Variants in PLAAT3 observed in about 807,000 individuals in gnomAD.
The protein encoded by PLAAT3 is Ca-independent phospholipase A1/2.
PLAAT3 carries 21 observed loss-of-function variants against 16.7 expected under a neutral mutation model. That is an observed-to-expected ratio of 1.26 (90% confidence interval 0.89 to 1.81). The LOEUF (loss-of-function observed/expected upper bound fraction) is 1.81. Among genes scored for constraint, PLAAT3 ranks in the 40% most tolerant of loss-of-function variants. The pLI, the probability that PLAAT3 is intolerant of heterozygous loss-of-function variation, is 0.00. For missense variants in PLAAT3, 219 were observed against 213.7 expected, an observed-to-expected ratio of 1.02 and a Z score of -0.16; for synonymous variants, 76 against 81.7, an observed-to-expected ratio of 0.93 and a Z score of 0.38.
chr11:63,601,340 A>G (rs1429951438), intron 2 of PLAAT3, among the ~76,000 whole-genome samples: 1 of 151,078 alleles, frequency 6.6e-6, no homozygotes, highest in Non-Finnish European at 1.5e-5. Flanking sequence ...AAAAAATAAT[A>G]ATAATAAATA....
At chr11:63,577,694 A>T (rs1937653461) in intron 4 of PLAAT3, among the ~76,000 whole-genome samples, 1 of 152,248 alleles carries the variant, frequency 6.6e-6, no homozygotes, top group African/African-American at 2.4e-5. Flanking sequence ...TGCATCCAAA[A>T]GGAAACGTCC....
chr11:63,607,918 G>A (rs1938607583), intron 2 of PLAAT3, among the ~76,000 whole-genome samples: 1 of 152,100 alleles, frequency 6.6e-6, no homozygotes, highest in South Asian at 2.1e-4. Context: ...CGGGCACAGT[G>A]GCTCACGCCT....
intron 2 of PLAAT3, among the ~76,000 whole-genome samples, chr11:63,608,137 G>T (rs577337165): frequency 6.6e-6 from 1 of 152,230 alleles, no homozygotes; most frequent in Non-Finnish European, 1.5e-5. Context: ...AGCCGAGATC[G>T]TGCCACTGCA....
At chr11:63,581,013 G>C (rs760757028) in intron 4 of PLAAT3, among the ~76,000 whole-genome samples, 15 of 152,150 alleles carry the variant, frequency 9.9e-5, no homozygotes, top group Non-Finnish European at 1.9e-4. Flanking sequence ...AGATGTCATG[G>C]ACATTTATCA....
chr11:63,584,576 C>A (rs1238306358), intron 4 of PLAAT3, among the ~76,000 whole-genome samples: 2 of 147,900 alleles, frequency 1.4e-5, no homozygotes, highest in Non-Finnish European at 3.0e-5. Context: ...TACAGTGGTG[C>A]AATCTCGGCT....
chr11:63,578,529 G>C (rs1286060484), intron 4 of PLAAT3, among the ~76,000 whole-genome samples: 1 of 152,078 alleles, frequency 6.6e-6, no homozygotes, highest in African/African-American at 2.4e-5. Context: ...CAGAGATATA[G>C]ACCAATGGAA....
chr11:63,614,242 G>T, intron 1 of PLAAT3, 143 bp downstream of exon 1: 1 of 594,152 alleles, frequency 1.7e-6, no homozygotes, highest in Non-Finnish European at 3.0e-6. Context: ...CGCCCAGGAG[G>T]CTGCAGGTGC....
At chr11:63,577,182 T>TA (rs1313632959) in intron 4 of PLAAT3, among the ~76,000 whole-genome samples, 1 of 151,236 alleles carries the variant, frequency 6.6e-6, no homozygotes, top group Non-Finnish European at 1.5e-5. Context: ...TTTTTTTTTT[T>TA]AATCTTTGAG....
At chr11:63,581,401 C>T (rs1190810838) in intron 4 of PLAAT3, among the ~76,000 whole-genome samples, 1 of 152,124 alleles carries the variant, frequency 6.6e-6, no homozygotes, top group African/African-American at 2.4e-5. Flanking sequence ...GACGGCCGCT[C>T]TGGGAGTGTC....
intron 2 of PLAAT3, among the ~76,000 whole-genome samples, chr11:63,607,084 C>A (rs1938586753): frequency 6.6e-6 from 1 of 152,084 alleles, no homozygotes. Flanking sequence ...TGCAGCCCAC[C>A]GACTGTGCTG....
At chr11:63,607,000 G>A (rs561621469) in intron 2 of PLAAT3, among the ~76,000 whole-genome samples, 34 of 152,292 alleles carry the variant, frequency 2.2e-4, no homozygotes, top group African/African-American at 7.7e-4. Context: ...GGAGGCGGGA[G>A]CCTGCTAGGA....
intron 3 of PLAAT3, among the ~76,000 whole-genome samples, chr11:63,594,472 G>A (rs750217578): frequency 1.3e-5 from 2 of 152,132 alleles, no homozygotes; most frequent in Non-Finnish European, 2.9e-5. Flanking sequence ...CACATCAAAT[G>A]CTGCAGAGAA....
At chr11:63,579,888 A>AAAAAAAG (rs1937754884) in intron 4 of PLAAT3, among the ~76,000 whole-genome samples, 1 of 150,702 alleles carries the variant, frequency 6.6e-6, no homozygotes, top group African/African-American at 2.4e-5. Flanking sequence ...AAAAAAAAAA[A>AAAAAAAG]AAGAAGAAGA....
intron 2 of PLAAT3, among the ~76,000 whole-genome samples, chr11:63,600,575 G>C (rs955449670): frequency 5.3e-5 from 7 of 132,468 alleles, no homozygotes; most frequent in African/African-American, 2.3e-4. Flanking sequence ...CATCTTCATG[G>C]TTTTTTTGTT....
intron 4 of PLAAT3, among the ~76,000 whole-genome samples, chr11:63,582,213 G>T (rs1183640988): frequency 6.6e-6 from 1 of 152,154 alleles, no homozygotes; most frequent in Non-Finnish European, 1.5e-5. Context: ...TGGAGGATGT[G>T]ATCTACCTAA....
chr11:63,592,070 G>A (rs1297997927), intron 3 of PLAAT3, among the ~76,000 whole-genome samples: 1 of 152,214 alleles, frequency 6.6e-6, no homozygotes, highest in Non-Finnish European at 1.5e-5. Flanking sequence ...CAGCTGAGTG[G>A]TCTGGACCTG....
At chr11:63,603,497 A>T (rs749347571) in intron 2 of PLAAT3, among the ~76,000 whole-genome samples, 2 of 152,130 alleles carry the variant, frequency 1.3e-5, no homozygotes, top group Non-Finnish European at 2.9e-5. Context: ...ATTCACATTG[A>T]AAAAAACAGC....
chr11:63,586,938 C>T (rs1937994494), intron 4 of PLAAT3, among the ~76,000 whole-genome samples: 1 of 152,054 alleles, frequency 6.6e-6, no homozygotes, highest in Admixed American at 6.6e-5. Context: ...ACAAAAATTA[C>T]CCAGGTGTGG....
Position 63,590,144 on chromosome 11 carries a change from G to C in PLAAT3, c.343C>G (p.His115Asp). ...CCATAGCGCAGCTCATTCACAAAGT[G>C]CTCGCAGTTCTCACTGGTCAGCTTG... ...LYKLTSENCE[H>D]FVNELRYGVA... The change falls in exon 4 of 5, where the codon CAC (histidine) becomes GAC (aspartate). Residue 115 changes from histidine (H) to aspartate (D), a missense_variant. Transcript: ENST00000415826. 1 of 1,614,150 alleles carries C rather than the reference G, an allele frequency of 6.2e-7. No individual in the cohort carries two copies. Among genetic ancestry groups the C allele is most frequent in the Non-Finnish European group, 8.5e-7 (1 of 1,180,004 alleles).
Sources: allele counts gnomAD v4.1 joint callset (sites outside exome capture counted in the v4.1 genomes callset), GRCh38; gene constraint gnomAD v4.1.1; transcripts MANE v1.5; gene names NCBI Gene and HGNC (gene_info 2026-07-23, HGNC 2026-07-21).